CIROZ: variants seen among roughly 807,000 people sequenced by gnomAD.
CIROZ encodes ciliated left-right organizer ZP-N domains-containing protein.
At chr1:10,961,787 C>T in the CIROZ span, among the ~76,000 whole-genome samples, 3 of 151,364 alleles carry the variant, frequency 2.0e-5, no homozygotes, top group Non-Finnish European at 3.0e-5. Context: ...CTACTAAAAA[C>T]GCAAAAAATA....
the CIROZ span, chr1:10,948,115 G>A: frequency 6.2e-7 from 1 of 1,613,498 alleles, no homozygotes. Context: ...GGGTCTGGCT[G>A]CCTCACACTT....
the CIROZ span, chr1:10,948,508 C>T: frequency 5.0e-6 from 8 of 1,613,992 alleles, no homozygotes; most frequent in Admixed American, 1.0e-4. Flanking sequence ...GTTCCTAGAC[C>T]TTCAGTCAGG....
the CIROZ span, among the ~76,000 whole-genome samples, chr1:10,963,917 C>G: frequency 6.6e-6 from 1 of 152,170 alleles, no homozygotes; most frequent in African/African-American, 2.4e-5. Context: ...TCCCATCTCA[C>G]TCGTCCTTGC....
At chr1:10,964,363 T>C in the CIROZ span, 4 of 1,397,362 alleles carry the variant, frequency 2.9e-6, no homozygotes, top group African/African-American at 4.3e-5. Flanking sequence ...TCACAGCAAA[T>C]AGGACACCAT....
the CIROZ span, among the ~76,000 whole-genome samples, chr1:10,962,761 AG>A: frequency 6.6e-6 from 1 of 152,216 alleles, no homozygotes; most frequent in Non-Finnish European, 1.5e-5. Context: ...ATCGCTATGA[AG>A]GTGAGATGAG....
At chr1:10,971,608 C>G in the CIROZ span, among the ~76,000 whole-genome samples, 1 of 152,100 alleles carries the variant, frequency 6.6e-6, no homozygotes, top group African/African-American at 2.4e-5. Context: ...ACTGACCACC[C>G]CCACCCATTC....
chr1:10,973,410 A>G, the CIROZ span, among the ~76,000 whole-genome samples: 2 of 152,092 alleles, frequency 1.3e-5, no homozygotes, highest in South Asian at 2.1e-4. Flanking sequence ...TAAAAAGACT[A>G]AAGTCAGCCA....
chr1:10,974,465 TG>T, the CIROZ span, among the ~76,000 whole-genome samples: 1 of 152,130 alleles, frequency 6.6e-6, no homozygotes, highest in Non-Finnish European at 1.5e-5. This position sits in a 1 kb window ranked among gnomAD's most constrained non-coding sequence, Gnocchi z 4.4. Context: ...AAGACTTGCC[TG>T]TGGAGAGAAG....
At chr1:10,973,692 C>T in the CIROZ span, among the ~76,000 whole-genome samples, 10 of 152,172 alleles carry the variant, frequency 6.6e-5, no homozygotes, top group Admixed American at 2.6e-4. Context: ...TGAGTTGGGA[C>T]GGGAACTCCT....
At chr1:10,974,091 T>C in the CIROZ span, among the ~76,000 whole-genome samples, 2 of 152,138 alleles carry the variant, frequency 1.3e-5, no homozygotes, top group Admixed American at 6.5e-5. The surrounding 1 kb of genome is among the most constrained non-coding windows in gnomAD (Gnocchi z 4.4). Flanking sequence ...GGGAGGCTGA[T>C]TGATTCCTGG....
At chr1:10,951,430 G>A in the CIROZ span, among the ~76,000 whole-genome samples, 2 of 151,782 alleles carry the variant, frequency 1.3e-5, no homozygotes, top group East Asian at 1.9e-4. Context: ...AGGCATGGTG[G>A]CGGGCACTTG....
At chr1:10,957,685 C>G in the CIROZ span, 2 of 1,614,178 alleles carry the variant, frequency 1.2e-6, no homozygotes, top group South Asian at 2.2e-5. Context: ...TGTCCACATA[C>G]AGTCCCATCA....
the CIROZ span, chr1:10,958,716 GTC>G: frequency 6.2e-7 from 1 of 1,614,096 alleles, no homozygotes; most frequent in Non-Finnish European, 8.5e-7. Flanking sequence ...CCGCTTACCT[GTC>G]TATTGTCCCT....
At chr1:10,962,685 C>T in the CIROZ span, among the ~76,000 whole-genome samples, 1 of 152,204 alleles carries the variant, frequency 6.6e-6, no homozygotes, top group African/African-American at 2.4e-5. Context: ...GGCAAGTCTC[C>T]TAATCTCTCT....
At chr1:10,961,384 C>T in the CIROZ span, among the ~76,000 whole-genome samples, 2 of 152,172 alleles carry the variant, frequency 1.3e-5, no homozygotes, top group African/African-American at 2.4e-5. Flanking sequence ...GGAAGCCCCT[C>T]CCGCTCAGCC....
At chr1:10,946,477 A>ATTAT in the CIROZ span, 3 of 152,108 alleles carry the variant, frequency 2.0e-5, no homozygotes, top group African/African-American at 7.2e-5. Context: ...GACAACCCTG[A>ATTAT]TTATTTATTT....
At chr1:10,972,114 A>G in the CIROZ span, among the ~76,000 whole-genome samples, 1 of 152,190 alleles carries the variant, frequency 6.6e-6, no homozygotes, top group African/African-American at 2.4e-5. Context: ...AGTACAGAAC[A>G]CTGGAGTTTT....
At chr1:10,960,999 G>GCCC in the CIROZ span, among the ~76,000 whole-genome samples, 5 of 151,914 alleles carry the variant, frequency 3.3e-5, no homozygotes, top group African/African-American at 9.7e-5. The surrounding 1 kb of genome is among the most constrained non-coding windows in gnomAD (Gnocchi z 4.6). Context: ...CGGATGCAGA[G>GCCC]CCCCCCCCAC....
chr1:10,959,752 G>C, the CIROZ span, among the ~76,000 whole-genome samples: 3 of 152,152 alleles, frequency 2.0e-5, no homozygotes, highest in African/African-American at 7.2e-5. The surrounding 1 kb of genome is among the most constrained non-coding windows in gnomAD (Gnocchi z 4.3). Flanking sequence ...GAAAAGGCCC[G>C]CCACCACCAT....
Sources: gnomAD v4.1 joint callset for allele counts (sites outside exome capture counted in the v4.1 genomes callset) on GRCh38, gnomAD v4.1.1 for gene constraint, Gnocchi (gnomAD v3.1) non-coding constraint, MANE v1.5 for transcripts, NCBI Gene and HGNC (gene_info 2026-07-23, HGNC 2026-07-21) for gene names.